SOHLH2: variants seen among roughly 807,000 people sequenced by gnomAD.
The protein encoded by SOHLH2 is spermatogenesis and oogenesis specific basic helix-loop-helix 2, also known as spermatogenesis- and oogenesis-specific basic helix-loop-helix-containing protein 2.
A neutral mutation model predicts 50.4 loss-of-function variants in SOHLH2; 22 were observed. That is an observed-to-expected ratio of 0.44 (90% CI 0.31 to 0.62). The LOEUF is 0.62. SOHLH2 is among the 20% of genes least tolerant of loss of function. The pLI is 0.08. For missense variants in SOHLH2, 412 were observed against 504.4 expected (o/e 0.82, Z 1.76); for synonymous variants, 185 against 187.3 (o/e 0.99, Z 0.10).
chr13:36,207,308 T>G (rs1868836324), intron 1 of SOHLH2, among the ~76,000 whole-genome samples: 2 of 151,866 alleles, frequency 1.3e-5, no homozygotes, highest in African/African-American at 4.8e-5. Context: ...CTATTTACTG[T>G]AATTTTTTTT....
chr13:36,184,459 C>CTTTTTTTTTTT (rs764218457), intron 6 of SOHLH2, among the ~76,000 whole-genome samples: 15 of 81,664 alleles, frequency 1.8e-4, no homozygotes, highest in African/African-American at 7.3e-4. Flanking sequence ...CCTACAAAGA[C>CTTTTTTTTTTT]CTTTTTTTTT....
At position 36,181,720 on chromosome 13, in the gene SOHLH2, T is replaced by C. The variant is rs151023688; in HGVS notation, c.642-6851A>G. On this transcript the variant is annotated intron_variant, in intron 6 of 10. Coordinates refer to ENST00000379881, the MANE Select transcript of SOHLH2 (RefSeq NM_017826.3). ...TAACAGTTTTAAGTATTTTAAATAG[T>C]TTAAAATGAAAAATGTTTGTTTTTG... 1.6e-4 allele frequency among the ~76,000 whole-genome samples: 24 copies of C among 152,316 alleles called. 1 individual carries two copies. The East Asian group carries it at 4.6e-3, about 29-fold the overall frequency.
chr13:36,200,929 A>G (rs1367143332), intron 2 of SOHLH2, among the ~76,000 whole-genome samples: 2 of 151,582 alleles, frequency 1.3e-5, no homozygotes, highest in African/African-American at 4.8e-5. Context: ...CCTGCCTGTC[A>G]TCCCAGTTAC....
intron 2 of SOHLH2, among the ~76,000 whole-genome samples, chr13:36,194,226 T>C (rs1340534715): frequency 6.6e-6 from 1 of 151,890 alleles, no homozygotes; most frequent in African/African-American, 2.4e-5. Context: ...CTTTTAAATA[T>C]ATATATAATT....
At chr13:36,178,207 A>G (rs1406498463) in intron 6 of SOHLH2, among the ~76,000 whole-genome samples, 1 of 152,144 alleles carries the variant, frequency 6.6e-6, no homozygotes, top group Non-Finnish European at 1.5e-5. Context: ...TTAACACAGC[A>G]GAAGATTCAA....
chr13:36,189,893 T>C (rs1301106432), intron 6 of SOHLH2, 53 bp downstream of exon 6: 1 of 1,485,714 alleles, frequency 6.7e-7, no homozygotes, highest in Admixed American at 2.3e-5. Flanking sequence ...TAAAATTCAT[T>C]AATTTCTCCC....
intron 2 of SOHLH2, 83 bp downstream of exon 2, chr13:36,201,796 T>C: frequency 6.5e-7 from 1 of 1,540,080 alleles, no homozygotes; most frequent in Non-Finnish European, 8.7e-7. Flanking sequence ...AATAGAAATA[T>C]ATCATCTTTT....
At chr13:36,182,315 T>A in intron 6 of SOHLH2, 1 of 983,962 alleles carries the variant, frequency 1.0e-6, no homozygotes, top group Non-Finnish European at 1.2e-6. Context: ...AGAGTTAAGA[T>A]TAAAGTCACT....
chr13:36,210,006 TGTTA>T (rs2067289), intron 1 of SOHLH2, among the ~76,000 whole-genome samples: 117,562 of 151,598 alleles, frequency 0.78, 45,747 homozygotes, highest in East Asian at 1. Context: ...AGACCAAGTA[TGTTA>T]GTTTATTTTC....
intron 1 of SOHLH2, among the ~76,000 whole-genome samples, chr13:36,202,623 G>A (rs912945246): frequency 6.6e-6 from 1 of 152,186 alleles, no homozygotes; most frequent in Middle Eastern, 3.2e-3. Flanking sequence ...AAGGCCATTT[G>A]CATTTGGAGA....
intron 1 of SOHLH2, among the ~76,000 whole-genome samples, chr13:36,213,780 G>T (rs912574400): frequency 6.6e-6 from 1 of 152,126 alleles, no homozygotes; most frequent in African/African-American, 2.4e-5. Flanking sequence ...TGCCTGTTTG[G>T]GGGGAAGCTC....
chr13:36,172,196 T>C (rs1886977099), intron 9 of SOHLH2, among the ~76,000 whole-genome samples: 1 of 152,180 alleles, frequency 6.6e-6, no homozygotes, highest in Non-Finnish European at 1.5e-5. Flanking sequence ...AGGCCTGAAC[T>C]CGCTGCCACG....
chr13:36,197,869 C>T (rs1463220359), intron 2 of SOHLH2, among the ~76,000 whole-genome samples: 3 of 152,144 alleles, frequency 2.0e-5, no homozygotes, highest in Non-Finnish European at 4.4e-5. Context: ...GTCTTCAGTT[C>T]CTATTCACTT....
Position 36,170,837 on chromosome 13 carries a change from T to C in SOHLH2, c.1001-50A>G, listed in dbSNP as rs762983646. Reference sequence around the variant, plus strand: ...TGGGTCAGTATCCACAATTCTGTAATTCAGAACGACTGTTATTCGACATAA... The same window carrying C: ...TGGGTCAGTATCCACAATTCTGTAACTCAGAACGACTGTTATTCGACATAA... On this transcript the variant is annotated intron_variant, in intron 9 of 10. Coordinates refer to ENST00000379881, the MANE Select transcript of SOHLH2 (RefSeq NM_017826.3). 1.3e-5 allele frequency: 20 copies of C among 1,581,536 alleles called. No individual in the cohort carries two copies. In the East Asian group the frequency reaches 4.3e-4, roughly 34 times the overall value.
chr13:36,208,210 G>C (rs1417754880), intron 1 of SOHLH2, among the ~76,000 whole-genome samples: 1 of 152,116 alleles, frequency 6.6e-6, no homozygotes, highest in African/African-American at 2.4e-5. Context: ...TTTATTTGTG[G>C]ATCTTGCCTG....
At chr13:36,184,460 CTTTTTT>C (rs1229884029) in intron 6 of SOHLH2, among the ~76,000 whole-genome samples, 1,542 of 121,174 alleles carry the variant, frequency 0.013, 92 homozygotes, top group African/African-American at 0.045. Context: ...CTACAAAGAC[CTTTTTT>C]TTTTTTTTTT....
intron 6 of SOHLH2, among the ~76,000 whole-genome samples, chr13:36,181,259 GT>G (rs1282397101): frequency 1.3e-5 from 2 of 152,046 alleles, no homozygotes; most frequent in East Asian, 3.9e-4. Context: ...AAGCTTCTCT[GT>G]TACAGACAGT....
chr13:36,197,903 G>A (rs1887781194), intron 2 of SOHLH2, among the ~76,000 whole-genome samples: 1 of 152,120 alleles, frequency 6.6e-6, no homozygotes. Context: ...GTAGGACAAA[G>A]GTTTTAGTAA....
In SOHLH2 at chr13:36,174,459, A is replaced by C. The variant is rs535789098; in HGVS notation, c.881+17T>G. 1.2e-6 allele frequency: 2 copies of C among 1,609,936 alleles called. No homozygotes were observed. The highest frequency in any genetic ancestry group is 1.7e-5 in the Admixed American group (1 of 58,792). On this transcript the variant is annotated intron_variant, in intron 8 of 10. Transcript: ENST00000379881. Reference sequence around the variant, plus strand: ...AATAACTAGCAGACTTCAGATTCGCAAAAGCCCTTATCATACCGCTGTGCC... The same window carrying C: ...AATAACTAGCAGACTTCAGATTCGCCAAAGCCCTTATCATACCGCTGTGCC...
Sources: gnomAD v4.1 joint callset for allele counts (sites outside exome capture counted in the v4.1 genomes callset) on GRCh38, gnomAD v4.1.1 for gene constraint, MANE v1.5 for transcripts, NCBI Gene and HGNC (gene_info 2026-07-23, HGNC 2026-07-21) for gene names.